AKR1D1: variants seen among roughly 807,000 people sequenced by gnomAD.
AKR1D1 encodes aldo-keto reductase family 1 member D1.
AKR1D1 carries 32 observed loss-of-function variants against 42.6 expected under a neutral mutation model. The ratio of observed to expected loss-of-function variants is 0.75; its 90% CI spans 0.57 to 1.01. The LOEUF (loss-of-function observed/expected upper bound fraction) is 1.01, where lower values mean the gene tolerates loss of function less well. Among genes scored for constraint, AKR1D1 ranks in the 50% least tolerant of loss-of-function variants. AKR1D1 has a pLI of 0.00. For missense variants in AKR1D1, 364 were observed against 402.2 expected (o/e 0.91, Z 0.81); for synonymous variants, 123 against 135.5 (o/e 0.91, Z 0.64).
rs1162555367 is a variant in AKR1D1 at position 138,116,702 on chromosome 7, T to C, written c.*40T>C. On this transcript the variant is annotated 3_prime_UTR_variant, in exon 9 of 9. Transcript: ENST00000242375. ...TGAACAGATTTTTCACTCCCACGAG[T>C]GCCAAGACGGTGCAATGGGTAGTCC... 1.3e-6 allele frequency: 2 copies of C among 1,588,330 alleles called. No homozygotes were observed. The highest frequency in any genetic ancestry group is 1.3e-5 in the African/African-American group (1 of 74,410).
intron 4 of AKR1D1, among the ~76,000 whole-genome samples, chr7:138,104,758 T>A (rs528157005): frequency 6.6e-6 from 1 of 152,178 alleles, no homozygotes; most frequent in African/African-American, 2.4e-5. Flanking sequence ...AGGATCATTT[T>A]AAAAAATTGT....
intron 4 of AKR1D1, 90 bp downstream of exon 4, chr7:138,098,033 C>A: frequency 9.9e-7 from 1 of 1,008,304 alleles, no homozygotes; most frequent in Non-Finnish European, 1.6e-6. Context: ...GAGAGATGCA[C>A]CCTTTACTTT....
intron 8 of AKR1D1, among the ~76,000 whole-genome samples, chr7:138,114,521 G>A (rs1158283561): frequency 6.6e-6 from 1 of 151,978 alleles, no homozygotes; most frequent in African/African-American, 2.4e-5. Flanking sequence ...TTAGCTGGGT[G>A]TAGTGGCAGT....
At chr7:138,098,383 G>A (rs573128861) in intron 4 of AKR1D1, 39 of 163,286 alleles carry the variant, frequency 2.4e-4, no homozygotes, top group Non-Finnish European at 4.1e-4. Context: ...GCCAAGGTGG[G>A]CGGATCATCT....
At chr7:138,095,632 T>A (rs1420207998) in intron 3 of AKR1D1, among the ~76,000 whole-genome samples, 1 of 152,122 alleles carries the variant, frequency 6.6e-6, no homozygotes, top group East Asian at 1.9e-4. Context: ...TTCAAGCGAT[T>A]CTCTTGCCTC....
chr7:138,098,240 T>A, intron 4 of AKR1D1: 1 of 271,508 alleles, frequency 3.7e-6, no homozygotes, highest in Non-Finnish European at 6.9e-6. Context: ...ATAAGATAAA[T>A]TCACAAATCA....
At chr7:138,097,451 G>A (rs561866008) in intron 3 of AKR1D1, among the ~76,000 whole-genome samples, 1 of 152,364 alleles carries the variant, frequency 6.6e-6, no homozygotes, top group East Asian at 1.9e-4. Context: ...TGGAGACAAA[G>A]TTGTTCACAT....
intron 8 of AKR1D1, among the ~76,000 whole-genome samples, chr7:138,114,142 A>C (rs999629707): frequency 7.2e-5 from 11 of 152,224 alleles, no homozygotes; most frequent in African/African-American, 2.4e-4. Flanking sequence ...AAATTAGAGC[A>C]AAGTTATAAA....
rs781542563 is a variant in AKR1D1, at chr7:138,116,649, A to G, written c.968A>G (p.His323Arg). 17 of 1,614,100 alleles carry G rather than the reference A, an allele frequency of 1.1e-5. No individual in the cohort carries two copies. The Admixed American group carries it at 1.5e-4, about 14-fold the overall frequency. The change falls in exon 9 of 9, where the codon CAT (histidine) becomes CGT (arginine). Residue 323 changes from histidine to arginine, a missense_variant. By Grantham distance (29) the His-to-Arg change is conservative. Transcript: ENST00000242375. ...CGCGATCATCCTGAATACCCATTTC[A>G]TGATGAATACTGACTGCAGGGAGTT... ...MWRDHPEYPFHDEY is the reference protein window; with the variant it reads ...MWRDHPEYPFRDEY
chr7:138,099,887 C>T (rs535759022), intron 4 of AKR1D1, among the ~76,000 whole-genome samples: 6 of 146,890 alleles, frequency 4.1e-5, no homozygotes, highest in Admixed American at 6.7e-5. Context: ...AAAAAAAACA[C>T]GAAGATCTTA....
intron 3 of AKR1D1, among the ~76,000 whole-genome samples, chr7:138,097,127 T>G (rs1177450557): frequency 1.3e-5 from 2 of 152,082 alleles, no homozygotes; most frequent in Non-Finnish European, 2.9e-5. Flanking sequence ...CCACCCCACC[T>G]CATTTCCAAG....
At chr7:138,087,120 G>A (rs980368080) in intron 1 of AKR1D1, among the ~76,000 whole-genome samples, 8 of 152,246 alleles carry the variant, frequency 5.3e-5, no homozygotes, top group South Asian at 2.1e-4. Flanking sequence ...TCTGGAGGCC[G>A]CAAAGTCCAA....
chr7:138,106,705 G>A lies in AKR1D1; in HGVS notation c.677G>A (p.Arg226Lys). 1 of 1,609,418 alleles carries A rather than the reference G, an allele frequency of 6.2e-7. No individual in the cohort carries two copies. The highest frequency in any genetic ancestry group is 1.3e-5 in the African/African-American group (1 of 74,934). ...GCATATAGCCCTTTGGGGACCAGTA[G>A]GAATCCAATCTGGTAAGTAAAACTT... ...ITAYSPLGTSRNPIWVNVSSP... is the reference protein window; with the variant it reads ...ITAYSPLGTSKNPIWVNVSSP... The change falls in exon 6 of 9, where the codon AGG becomes AAG. Residue 226 changes from arginine to lysine, a missense_variant. Physicochemically the swap from Arg to Lys is conservative, Grantham distance 26. Transcript: ENST00000242375.
intron 4 of AKR1D1, among the ~76,000 whole-genome samples, chr7:138,100,642 A>G (rs899268240): frequency 2.0e-5 from 3 of 151,710 alleles, no homozygotes; most frequent in African/African-American, 7.3e-5. Context: ...TACATGAAGC[A>G]TCATCTAAGA....
chr7:138,084,382 C>A (rs931821710), intron 1 of AKR1D1, among the ~76,000 whole-genome samples: 59 of 151,516 alleles, frequency 3.9e-4, no homozygotes, highest in African/African-American at 1.4e-3. Context: ...CCAGACCCGG[C>A]TAATTTCTGT....
At chr7:138,103,485 T>C (rs1328088924) in intron 4 of AKR1D1, among the ~76,000 whole-genome samples, 2 of 152,082 alleles carry the variant, frequency 1.3e-5, no homozygotes, top group Non-Finnish European at 2.9e-5. Flanking sequence ...GTGGGATAAA[T>C]TGAAATAAAT....
chr7:138,112,280 A>G (rs1391157952), intron 7 of AKR1D1, among the ~76,000 whole-genome samples: 3 of 152,180 alleles, frequency 2.0e-5, no homozygotes, highest in Non-Finnish European at 2.9e-5. Context: ...TCATTTTTAT[A>G]TTGTGCACAT....
At chr7:138,099,215 G>C (rs1449634561) in intron 4 of AKR1D1, among the ~76,000 whole-genome samples, 1 of 152,146 alleles carries the variant, frequency 6.6e-6, no homozygotes, top group African/African-American at 2.4e-5. Context: ...TCATTGGAGG[G>C]AATCAGGTTT....
intron 4 of AKR1D1, among the ~76,000 whole-genome samples, chr7:138,104,186 T>C (rs939842654): frequency 6.6e-6 from 1 of 152,042 alleles, no homozygotes; most frequent in African/African-American, 2.4e-5. Flanking sequence ...TAGTAAGAGA[T>C]TTTTGACATA....
Sources: gnomAD v4.1 joint callset for allele counts (sites outside exome capture counted in the v4.1 genomes callset) on GRCh38, gnomAD v4.1.1 for gene constraint, MANE v1.5 for transcripts, NCBI Gene and HGNC (gene_info 2026-07-23, HGNC 2026-07-21) for gene names.